Variants in NFATC4 observed in about 807,000 individuals in gnomAD.
NFATC4 encodes the protein nuclear factor of activated T cells 4.
Under a neutral mutation model 73.4 loss-of-function variants are expected in NFATC4, and 25 were observed. The ratio of observed to expected loss-of-function variants is 0.34; its 90% CI spans 0.25 to 0.48. NFATC4 has a LOEUF of 0.48. Among genes scored for constraint, NFATC4 ranks in the 20% least tolerant of loss-of-function variants. The probability of loss-of-function intolerance (pLI) is 0.99; values close to 1 mark genes in which losing one functional copy is unlikely to be tolerated. For missense variants in NFATC4, 1,130 were observed against 1,203.7 expected (o/e 0.94, Z 0.91); for synonymous variants, 523 against 510.3 (o/e 1.02, Z -0.34).
In NFATC4 at chr14:24,377,171, A is replaced by C; in HGVS notation, c.2641+293A>C. 2.3e-6 allele frequency: 3 copies of C among 1,289,258 alleles called. No individual in the cohort carries two copies. The highest frequency in any genetic ancestry group is 9.8e-7 in the Non-Finnish European group (1 of 1,022,460). The allele number at this position is 1,289,258 out of a possible 1,614,324, so 79.9% of individuals were successfully genotyped here. ...AAGCACTTTCAAGATCATTCCATCCAGCGCATTCAATTTGCAAGTTTAGGC... is the reference window on the plus strand; with the variant it reads ...AAGCACTTTCAAGATCATTCCATCCCGCGCATTCAATTTGCAAGTTTAGGC... On this transcript the variant is annotated intron_variant, in intron 9 of 9. Transcript: ENST00000250373. This position sits in a 1 kb window ranked among gnomAD's most constrained non-coding sequence, Gnocchi z 4.2.
Position 24,370,576 on chromosome 14 carries a change from G to T in NFATC4, c.1178G>T (p.Gly393Val), listed in dbSNP as rs1261796907. The change falls in exon 2 of 10, where the codon GGA becomes GTA. Residue 393 changes from glycine to valine, a missense_variant. Coordinates refer to ENST00000250373, the MANE Select transcript of NFATC4 (RefSeq NM_004554.5). ...GCTTGGTCCAAGGCCCGGATTGGGG[G>T]ACACAGCCCTATCTTCAGGTGAGGG... is the stretch of plus-strand genomic sequence containing the variant. ...PLAWSKARIG[G>V]HSPIFRTSAL... 6.2e-7 allele frequency: 1 copy of T among 1,610,016 alleles called. No homozygotes were observed. The highest frequency in any genetic ancestry group is 8.5e-7 in the Non-Finnish European group (1 of 1,176,676).
At chr14:24,374,081 G>A (rs1330840053) in intron 5 of NFATC4, 4 of 882,422 alleles carry the variant, frequency 4.5e-6, no homozygotes, top group Non-Finnish European at 7.3e-6. Flanking sequence ...ATCTATTCCT[G>A]GGGTGCCCTG....
rs1289265270 is a variant in NFATC4, at chr14:24,376,169, G to T, written c.2056+68G>T. On this transcript the variant is annotated intron_variant, in intron 8 of 9. Coordinates refer to ENST00000250373, the MANE Select transcript of NFATC4 (RefSeq NM_004554.5). The surrounding 1 kb of genome is among the most constrained non-coding windows in gnomAD (Gnocchi z 5.0). Reference sequence around the variant, plus strand: ...GGAGCTGGAGCAGGAGCAGAGGGAAGCAGTACTCATCATGAGGGGCCAAGG... The same window carrying T: ...GGAGCTGGAGCAGGAGCAGAGGGAATCAGTACTCATCATGAGGGGCCAAGG... 6.2e-7 allele frequency: 1 copy of T among 1,608,600 alleles called. No homozygotes were observed. The highest frequency in any genetic ancestry group is 1.3e-5 in the African/African-American group (1 of 74,760).
chr14:24,377,284 T>C lies in NFATC4; in HGVS notation c.2642-354T>C. 1 of 1,252,998 alleles carries C rather than the reference T, an allele frequency of 8.0e-7. No individual in the cohort carries two copies. Among genetic ancestry groups the C allele is most frequent in the East Asian group, 3.3e-5 (1 of 30,482 alleles). The allele number at this position is 1,252,998 out of a possible 1,614,324, so 77.6% of individuals were successfully genotyped here. On this transcript the variant is annotated intron_variant, in intron 9 of 9. Transcript: ENST00000250373. This position sits in a 1 kb window ranked among gnomAD's most constrained non-coding sequence, Gnocchi z 4.2. ...TCAGCTTTCCCCTAAACACGGTGTC[T>C]GTGGTCAGGGTTGGTGAGGAGGAGC...
intron 1 of NFATC4, chr14:24,369,262 A>G: frequency 6.5e-7 from 1 of 1,541,390 alleles, no homozygotes; most frequent in Non-Finnish European, 8.7e-7. Flanking sequence ...GACCCACTGG[A>G]TCGGGTACCC....
At chr14:24,375,439 T>G (rs1156884472) in intron 6 of NFATC4, among the ~76,000 whole-genome samples, 2 of 152,166 alleles carry the variant, frequency 1.3e-5, no homozygotes, top group African/African-American at 4.8e-5. Flanking sequence ...CCCTGCCATT[T>G]CCCTTGGTCT....
rs2042445057 is a variant in NFATC4, at chr14:24,370,469, A to G, written c.1071A>G (p.Gly357=). The G allele has an allele frequency of 6.2e-7, 1 of 1,614,002 alleles. No homozygotes were observed. Among genetic ancestry groups the G allele is most frequent in the African/African-American group, 1.3e-5 (1 of 74,922 alleles). Residue 357 remains glycine (G), a synonymous_variant, in exon 2 of 10, where the codon GGA becomes GGG. Transcript: ENST00000250373. The part of the protein sequence containing the change: ...PASCNGKLPL[G]AEESVAPPGG... ...CATGCAATGGGAAGCTGCCCTTGGG[A>G]GCAGAGGAGTCTGTGGCTCCTCCAG...
chr14:24,375,748 CG>C, intron 7 of NFATC4, 33 bp downstream of exon 7: 23 of 410,270 alleles, frequency 5.6e-5, no homozygotes, highest in Non-Finnish European at 8.3e-5. Flanking sequence ...TCCTGGGGGG[CG>C]GGGGTGGGAG....
chr14:24,370,720 G>T (rs942405367), intron 2 of NFATC4, 126 bp downstream of exon 2: 4 of 1,304,552 alleles, frequency 3.1e-6, no homozygotes, highest in Non-Finnish European at 3.1e-6. Context: ...TCTGCAACCA[G>T]CTCAGCAGCT....
chr14:24,374,989 C>T (rs1566469746), intron 6 of NFATC4, among the ~76,000 whole-genome samples: 1 of 152,082 alleles, frequency 6.6e-6, no homozygotes, highest in Non-Finnish European at 1.5e-5. Flanking sequence ...CAGGATCTCA[C>T]TTTGTCACCC....
Position 24,369,538 on chromosome 14 carries a change from C to G in NFATC4, c.140C>G (p.Ala47Gly). Residue 47 changes from alanine to glycine, a missense_variant, in exon 2 of 10, where the codon GCC (alanine) becomes GGC (glycine). This residue lies in a region of NFATC4 where 585 missense variants were observed against 574.3 expected (regional missense o/e 1.02). Transcript: ENST00000250373. ...GATGCCCCGCCATGCTGCCGTCTGG[C>G]CTTGGGAGAGCCCCCTCCCTATGGC... ...SEDAPPCCRL[A>G]LGEPPPYGAA... 12 of 1,609,794 alleles carry G rather than the reference C, an allele frequency of 7.5e-6. No individual in the cohort carries two copies. Among genetic ancestry groups the G allele is most frequent in the Non-Finnish European group, 1.0e-5 (12 of 1,177,150 alleles).
chr14:24,377,271 T>C lies in NFATC4; in HGVS notation c.2642-367T>C. On this transcript the variant is annotated intron_variant, in intron 9 of 9. Transcript: ENST00000250373. This position sits in a 1 kb window ranked among gnomAD's most constrained non-coding sequence, Gnocchi z 4.2. ...ACTTGCCATTGCCTCAGCTTTCCCC[T>C]AAACACGGTGTCTGTGGTCAGGGTT... 1 of 1,249,156 alleles carries C rather than the reference T, an allele frequency of 8.0e-7. No homozygotes were observed. Among genetic ancestry groups the C allele is most frequent in the Non-Finnish European group, 1.0e-6 (1 of 996,412 alleles). The allele number at this position is 1,249,156 out of a possible 1,614,324, so 77.4% of individuals were successfully genotyped here.
At position 24,377,996 on chromosome 14, in the gene NFATC4, T is replaced by G. The variant is rs1031234680; in HGVS notation, c.*291T>G. On this transcript the variant is annotated 3_prime_UTR_variant, in exon 10 of 10. Transcript: ENST00000250373. The surrounding 1 kb of genome is among the most constrained non-coding windows in gnomAD (Gnocchi z 4.2). ...GTGAAGGCGTGTCTAGAGTGTGGGC[T>G]GGCTGTTGTGCTGGAAAGCTGGGGA... is the stretch of plus-strand genomic sequence containing the variant. 4 of 537,334 alleles carry G rather than the reference T, an allele frequency of 7.4e-6. No individual in the cohort carries two copies. Among genetic ancestry groups the G allele is most frequent in the African/African-American group, 1.9e-5 (1 of 52,656 alleles). The allele number at this position is 537,334 out of a possible 1,614,324, so 33.3% of individuals were successfully genotyped here. A position where few individuals can be genotyped will look rare whatever the true frequency, so the allele number is the denominator to read the frequency against.
Position 24,376,683 on chromosome 14 carries a change from C to T in NFATC4, c.2446C>T (p.Leu816Phe). The T allele has an allele frequency of 6.2e-7, 1 of 1,613,734 alleles. No individual in the cohort carries two copies. The highest frequency in any genetic ancestry group is 8.5e-7 in the Non-Finnish European group (1 of 1,179,916). ...SPPAPFRPPP[L>F]PASPPLEGPF... ...GCCAGCCCCCTTTCGGCCGCCTCCT[C>T]TTCCTGCATCCCCACCGCTTGAAGG... The change falls in exon 9 of 10, where the codon CTT (leucine) becomes TTT (phenylalanine). Residue 816 changes from leucine to phenylalanine, a missense_variant. Around this residue, in one of 3 missense-constraint regions of NFATC4, gnomAD observed 390 missense variants for 408.1 expected, o/e 0.96. Transcript: ENST00000250373. This position sits in a 1 kb window ranked among gnomAD's most constrained non-coding sequence, Gnocchi z 5.0.
At position 24,369,656 on chromosome 14, in the gene NFATC4, G is replaced by T; in HGVS notation, c.258G>T (p.Glu86Asp). ...PRPAPSPGTW[E>D]SQPARSVRLG... is the part of the protein sequence containing the mutation. ...CAGCCCCCTCACCTGGCACCTGGGA[G>T]AGCCAGCCCGCCAGGTCGGTGAGGC... The change falls in exon 2 of 10, where the codon GAG becomes GAT. Residue 86 changes from glutamate to aspartate, a missense_variant. Transcript: ENST00000250373. 1 of 1,612,988 alleles carries T rather than the reference G, an allele frequency of 6.2e-7. No homozygotes were observed.
intron 6 of NFATC4, 191 bp downstream of exon 6, chr14:24,374,657 T>C (rs2042564545): frequency 5.5e-6 from 3 of 543,958 alleles, no homozygotes; most frequent in Admixed American, 6.9e-5. Flanking sequence ...CAATCTAAAA[T>C]GTTGAGGATG....
intron 5 of NFATC4, 167 bp from the exon 6 acceptor site, chr14:24,374,159 T>C: frequency 4.0e-6 from 4 of 994,440 alleles, no homozygotes; most frequent in South Asian, 1.4e-5. Flanking sequence ...AGCGGCCCCT[T>C]ACATGGTGTA....
At position 24,376,157 on chromosome 14, in the gene NFATC4, G is replaced by A; in HGVS notation, c.2056+56G>A. The A allele has an allele frequency of 1.9e-6, 3 of 1,611,894 alleles. No individual in the cohort carries two copies. Among genetic ancestry groups the A allele is most frequent in the Non-Finnish European group, 2.5e-6 (3 of 1,178,738 alleles). On this transcript the variant is annotated intron_variant, in intron 8 of 9. Transcript: ENST00000250373. The surrounding 1 kb of genome is among the most constrained non-coding windows in gnomAD (Gnocchi z 5.0). Reference sequence around the variant, plus strand: ...ATAGGGATATGGGGAGCTGGAGCAGGAGCAGAGGGAAGCAGTACTCATCAT... The same window carrying A: ...ATAGGGATATGGGGAGCTGGAGCAGAAGCAGAGGGAAGCAGTACTCATCAT...
At chr14:24,372,730 G>A (rs1481862655) in intron 3 of NFATC4, 127 bp downstream of exon 3, 3 of 1,264,060 alleles carry the variant, frequency 2.4e-6, no homozygotes, top group Non-Finnish European at 3.3e-6. Flanking sequence ...GCCTGGGGGA[G>A]GGGCTGGAGT....
Sources: allele counts gnomAD v4.1 joint callset (sites outside exome capture counted in the v4.1 genomes callset), GRCh38; gene constraint gnomAD v4.1.1; regional missense constraint gnomAD v4.1.1; non-coding constraint Gnocchi (gnomAD v3.1); transcripts MANE v1.5; gene names NCBI Gene and HGNC (gene_info 2026-07-23, HGNC 2026-07-21).